The following WDCP variants were observed in gnomAD, a reference collection of about 807,000 sequenced individuals.
WDCP encodes the protein WD repeat and coiled-coil-containing protein.
Under a neutral mutation model 41.6 loss-of-function variants are expected in WDCP, and 19 were observed. That is an observed-to-expected ratio of 0.46 (90% CI 0.32 to 0.67). The LOEUF (loss-of-function observed/expected upper bound fraction) is 0.67. Among genes scored for constraint, WDCP ranks in the 30% least tolerant of loss-of-function variants. The pLI is 0.04. For missense variants in WDCP, 802 were observed against 850.7 expected (o/e 0.94, Z 0.71); for synonymous variants, 302 against 320.8 (o/e 0.94, Z 0.63).
At chr2:24,042,232 T>C (rs1290839137) in intron 1 of WDCP, among the ~76,000 whole-genome samples, 4 of 151,600 alleles carry the variant, frequency 2.6e-5, no homozygotes, top group African/African-American at 9.7e-5. Context: ...AGAAACCCCA[T>C]CTCTACTAAA....
intron 2 of WDCP, among the ~76,000 whole-genome samples, chr2:24,035,732 T>C (rs555585442): frequency 1.3e-5 from 2 of 150,568 alleles, no homozygotes; most frequent in Non-Finnish European, 3.0e-5. Context: ...CTGGGCAACA[T>C]AGCAAGACCT....
chr2:24,039,909 T>C (rs1401088954), intron 1 of WDCP, among the ~76,000 whole-genome samples: 1 of 152,170 alleles, frequency 6.6e-6, no homozygotes, highest in Non-Finnish European at 1.5e-5. Context: ...GCGATTCTTC[T>C]GCCTCAGCCT....
In WDCP at chr2:24,038,770, T is replaced by C. The variant is rs367723794; in HGVS notation, c.725A>G (p.Asn242Ser). The C allele has an allele frequency of 2.7e-5, 43 of 1,614,066 alleles. 1 individual carries two copies. Among genetic ancestry groups the C allele is most frequent in the Non-Finnish European group, 3.5e-5 (41 of 1,180,048 alleles). The part of the protein sequence containing the change: ...NASETFNIPP[N>S]SKDMTPYALP... ...AGCATACGGAGTCATGTCTTTACTG[T>C]TAGGTGGGATATTAAAGGTTTCAGA... The change falls in exon 2 of 4, where the codon AAC becomes AGC. Residue 242 changes from asparagine to serine, a missense_variant. Asn to Ser is a conservative substitution (Grantham distance 46). Around this residue, in one of 5 missense-constraint regions of WDCP, gnomAD observed 247 missense variants for 240.5 expected, o/e 1.03. Coordinates refer to ENST00000295148, the MANE Select transcript of WDCP (RefSeq NM_025203.3).
Position 24,031,004 on chromosome 2 carries a change from C to CT in WDCP, c.2094dup (p.Val699SerfsTer17). On this transcript the variant is annotated frameshift_variant, in exon 4 of 4. Transcript: ENST00000295148. LOFTEE classifies it low-confidence loss of function (END_TRUNC). ...CTGGGGGCAGCAAGGCCTGTAAAGA[C>CT]TTTAAGAGAAGAAACAGCACCTGGA... The CT allele has an allele frequency of 6.2e-7, 1 of 1,614,178 alleles. No individual in the cohort carries two copies. The highest frequency in any genetic ancestry group is 1.1e-5 in the South Asian group (1 of 91,086).
intron 1 of WDCP, among the ~76,000 whole-genome samples, chr2:24,041,849 ACT>A (rs1199172875): frequency 9.2e-6 from 1 of 108,244 alleles, no homozygotes; most frequent in African/African-American, 3.7e-5. Context: ...CAAAAGTGAA[ACT>A]CTGTCTCAAA....
At position 24,031,117 on chromosome 2, in the gene WDCP, G is replaced by A. The variant is rs201620616; in HGVS notation, c.1982C>T (p.Pro661Leu). The change falls in exon 4 of 4, where the codon CCG (proline) becomes CTG (leucine). Residue 661 changes from proline (P) to leucine (L), a missense_variant. Around this residue, in one of 5 missense-constraint regions of WDCP, gnomAD observed 321 missense variants for 305.1 expected, o/e 1.05. Coordinates refer to ENST00000295148, the MANE Select transcript of WDCP (RefSeq NM_025203.3). ...LLSADSEGFI[P>L]LTFTATQEII... ...TTCCTGTGTGGCTGTGAAGGTTAACGGGATAAAGCCCTCACTGTCAGCAGA... is the reference window on the plus strand; with the variant it reads ...TTCCTGTGTGGCTGTGAAGGTTAACAGGATAAAGCCCTCACTGTCAGCAGA... 24 of 1,614,152 alleles carry A rather than the reference G, an allele frequency of 1.5e-5. No individual in the cohort carries two copies. Among genetic ancestry groups the A allele is most frequent in the East Asian group, 2.2e-5 (1 of 44,890 alleles).
intron 2 of WDCP, 70 bp downstream of exon 2, chr2:24,037,606 AC>A: frequency 7.0e-7 from 1 of 1,432,176 alleles, no homozygotes; most frequent in Non-Finnish European, 9.4e-7. Context: ...CCTCATCAAT[AC>A]GTTTCTTGCA....
intron 2 of WDCP, among the ~76,000 whole-genome samples, chr2:24,033,804 G>A (rs1023774915): frequency 6.6e-6 from 1 of 151,354 alleles, no homozygotes; most frequent in African/African-American, 2.4e-5. Flanking sequence ...TTGTTGTTAA[G>A]CACTTTGGGA....
At chr2:24,042,535 C>CAAAA (rs35044474) in intron 1 of WDCP, among the ~76,000 whole-genome samples, 3 of 61,564 alleles carry the variant, frequency 4.9e-5, no homozygotes, top group Non-Finnish European at 8.9e-5. Context: ...TACTCCGTCT[C>CAAAA]AAAAAAAAAA....
In WDCP at chr2:24,038,538, C is replaced by A. The variant is rs1308217742; in HGVS notation, c.957G>T (p.Leu319Phe). Residue 319 changes from leucine (L) to phenylalanine (F), a missense_variant, in exon 2 of 4, where the codon TTG (leucine) becomes TTT (phenylalanine). Leu to Phe is a conservative substitution (Grantham distance 22). Transcript: ENST00000295148. ...LTGTGQDSSH[L>F]VLVTFKKAVT... Reference sequence around the variant, plus strand: ...CTGCCTTCTTAAAGGTCACAAGGACCAAATGTGAAGAATCTTGGCCAGTTC... The same window carrying A: ...CTGCCTTCTTAAAGGTCACAAGGACAAAATGTGAAGAATCTTGGCCAGTTC... 6.2e-7 allele frequency: 1 copy of A among 1,614,136 alleles called. No individual in the cohort carries two copies. The highest frequency in any genetic ancestry group is 1.1e-5 in the South Asian group (1 of 91,076).
chr2:24,045,468 G>T (rs1449410064), intron 1 of WDCP, among the ~76,000 whole-genome samples: 2 of 151,972 alleles, frequency 1.3e-5, no homozygotes, highest in Admixed American at 6.6e-5. Context: ...GGGCGTGGTG[G>T]TGTGTGCCTG....
At chr2:24,041,947 C>G (rs945563304) in intron 1 of WDCP, among the ~76,000 whole-genome samples, 1 of 150,714 alleles carries the variant, frequency 6.6e-6, no homozygotes, top group Admixed American at 6.6e-5. Flanking sequence ...TGAATACTCA[C>G]TTTGAAATAT....
intron 1 of WDCP, among the ~76,000 whole-genome samples, chr2:24,041,858 CAAAAAAAAAAAAAA>C (rs56341766): frequency 3.2e-5 from 3 of 93,228 alleles, no homozygotes; most frequent in African/African-American, 1.2e-4. Context: ...AACTCTGTCT[CAAAAAAAAAAAAAA>C]AAAAAAAAAG....
chr2:24,038,855 C>T lies in WDCP; in HGVS notation c.640G>A (p.Asp214Asn). 1 of 1,614,210 alleles carries T rather than the reference C, an allele frequency of 6.2e-7. No individual in the cohort carries two copies. The highest frequency in any genetic ancestry group is 8.5e-7 in the Non-Finnish European group (1 of 1,180,028). The change falls in exon 2 of 4, where the codon GAC becomes AAC. Residue 214 changes from aspartate (D) to asparagine (N), a missense_variant. Around this residue, in one of 5 missense-constraint regions of WDCP, gnomAD observed 7 missense variants for 20.4 expected, o/e 0.34. Coordinates refer to ENST00000295148, the MANE Select transcript of WDCP (RefSeq NM_025203.3). Reference sequence around the variant, plus strand: ...TCAGTAGCTATAGCAACCTGTGAGTCCACAGTTGCTGTGATGGAGCAGACG... The same window carrying T: ...TCAGTAGCTATAGCAACCTGTGAGTTCACAGTTGCTGTGATGGAGCAGACG... ...SHVCSITATV[D>N]SQVAIATELP... is the part of the protein sequence containing the mutation.
intron 3 of WDCP, among the ~76,000 whole-genome samples, chr2:24,031,989 C>G (rs1283747805): frequency 1.3e-5 from 2 of 152,236 alleles, no homozygotes; most frequent in Non-Finnish European, 2.9e-5. Context: ...ACTTTTCCAG[C>G]TAGGCTGTAA....
chr2:24,045,600 CAAAA>C (rs869243363), intron 1 of WDCP, among the ~76,000 whole-genome samples: 2 of 64,412 alleles, frequency 3.1e-5, no homozygotes, highest in African/African-American at 1.3e-4. Context: ...GACTCCATCT[CAAAA>C]AAAAAAAAAA....
At chr2:24,045,341 C>G (rs756178195) in intron 1 of WDCP, among the ~76,000 whole-genome samples, 2 of 152,160 alleles carry the variant, frequency 1.3e-5, no homozygotes, top group Non-Finnish European at 2.9e-5. Flanking sequence ...GTGCCTCATG[C>G]CTGTAATCCC....
chr2:24,041,926 G>A (rs1467377117), intron 1 of WDCP, among the ~76,000 whole-genome samples: 7 of 150,216 alleles, frequency 4.7e-5, no homozygotes, highest in African/African-American at 1.7e-4. Context: ...ATTTGGATAA[G>A]CTGTAATACC....
intron 1 of WDCP, among the ~76,000 whole-genome samples, chr2:24,045,619 AAGAG>A (rs1258646775): frequency 1.0e-4 from 9 of 87,844 alleles, no homozygotes; most frequent in Non-Finnish European, 1.8e-4. Flanking sequence ...AAAAAAAAAA[AAGAG>A]AGAGAGAGAG....
Sources: gnomAD v4.1 joint callset for allele counts (sites outside exome capture counted in the v4.1 genomes callset) on GRCh38, gnomAD v4.1.1 for gene constraint, gnomAD v4.1.1 regional missense constraint, MANE v1.5 for transcripts, NCBI Gene and HGNC (gene_info 2026-07-23, HGNC 2026-07-21) for gene names.